The following CALCRL variants were observed in gnomAD, a reference collection of about 807,000 sequenced individuals.
CALCRL encodes calcitonin receptor like receptor.
In CALCRL, 27 loss-of-function variants were observed where a neutral mutation model predicts 60.4. That is an observed-to-expected ratio of 0.45 (90% CI 0.33 to 0.62). The LOEUF is 0.62. Ranked by LOEUF, CALCRL falls within the 20% of genes least tolerant of loss-of-function variation. The pLI is 0.03. For missense variants in CALCRL, 424 were observed against 540.7 expected (o/e 0.78, Z 2.14); for synonymous variants, 190 against 182.6 (o/e 1.04, Z -0.33).
In CALCRL at chr2:187,444,843, AATT is replaced by A. The variant is rs534140919; in HGVS notation, c.-293+3193_-293+3195del. Among the ~76,000 whole-genome samples the A allele has an allele frequency of 2.4e-3, 370 of 151,698 alleles. 1 individual carries two copies. The highest frequency in any genetic ancestry group is 3.4e-3 in the Non-Finnish European group (232 of 67,560). On this transcript the variant is annotated intron_variant, in intron 1 of 14. Transcript: ENST00000392370. ...TCAAATAAGGAAAAATGCAGAGATTAATTGACCTAATCTAATTTACATGGTCCA... is the reference window on the plus strand; with the variant it reads ...TCAAATAAGGAAAAATGCAGAGATTAGACCTAATCTAATTTACATGGTCCA...
intron 1 of CALCRL, among the ~76,000 whole-genome samples, chr2:187,417,118 C>T (rs1481065336): frequency 6.6e-6 from 1 of 151,942 alleles, no homozygotes; most frequent in Non-Finnish European, 1.5e-5. Context: ...AAAATAAAGG[C>T]CATTTACTTT....
intron 1 of CALCRL, among the ~76,000 whole-genome samples, chr2:187,407,145 ATTTG>A (rs1689173309): frequency 6.6e-6 from 1 of 151,960 alleles, no homozygotes; most frequent in African/African-American, 2.4e-5. Flanking sequence ...GGTAAAAGCT[ATTTG>A]AGGGCATTGC....
intron 1 of CALCRL, among the ~76,000 whole-genome samples, chr2:187,416,368 G>GCAT (rs1247809811): frequency 5.3e-5 from 8 of 152,206 alleles, no homozygotes; most frequent in African/African-American, 1.9e-4. Flanking sequence ...ACGTCATACT[G>GCAT]AATGACATAG....
At chr2:187,370,535 A>G (rs1163429131) in intron 8 of CALCRL, among the ~76,000 whole-genome samples, 2 of 152,176 alleles carry the variant, frequency 1.3e-5, no homozygotes, top group Non-Finnish European at 2.9e-5. Context: ...CAGAATTTGC[A>G]TATTTATCAA....
Position 187,342,414 on chromosome 2 carries a change from T to C in CALCRL, c.*3770A>G, listed in dbSNP as rs1462219782. The stretch of plus-strand genomic sequence containing the variant: ...GAAGTATTATATGATATGTCAAGTA[T>C]ATCTCAATGAAGCTGTTAAAAAGTG... On this transcript the variant is annotated 3_prime_UTR_variant, in exon 15 of 15. Transcript: ENST00000392370. 6.6e-6 allele frequency among the ~76,000 whole-genome samples: 1 copy of C among 151,800 alleles called. No individual in the cohort carries two copies.
At chr2:187,446,317 C>T (rs1183099500) in intron 1 of CALCRL, among the ~76,000 whole-genome samples, 1 of 151,674 alleles carries the variant, frequency 6.6e-6, no homozygotes, top group Non-Finnish European at 1.5e-5. Context: ...TTATTTCAAA[C>T]TTCCAGTTAT....
At chr2:187,404,920 A>G (rs1689051633) in intron 1 of CALCRL, among the ~76,000 whole-genome samples, 1 of 151,952 alleles carries the variant, frequency 6.6e-6, no homozygotes, top group African/African-American at 2.4e-5. Flanking sequence ...AGCAGTAGGA[A>G]GCGAGACACA....
chr2:187,383,628 A>C (rs1270666843), intron 4 of CALCRL, among the ~76,000 whole-genome samples: 1 of 152,156 alleles, frequency 6.6e-6, no homozygotes, highest in East Asian at 1.9e-4. Context: ...GATGTCTTCC[A>C]ATCTGACCCG....
chr2:187,389,631 CA>C (rs1378037051), intron 1 of CALCRL, among the ~76,000 whole-genome samples: 2 of 151,908 alleles, frequency 1.3e-5, no homozygotes, highest in Non-Finnish European at 2.9e-5. Context: ...AATATTTGGT[CA>C]TAATTTTTTT....
chr2:187,402,680 A>G (rs1688940916), intron 1 of CALCRL, among the ~76,000 whole-genome samples: 1 of 151,818 alleles, frequency 6.6e-6, no homozygotes, highest in Non-Finnish European at 1.5e-5. Context: ...CAGAACTGCT[A>G]CACTGAGCAA....
Position 187,419,627 on chromosome 2 carries a change from T to A in CALCRL, c.-293+28412A>T, listed in dbSNP as rs190528827. Among the ~76,000 whole-genome samples, 5 of 152,340 alleles carry A rather than the reference T, an allele frequency of 3.3e-5. No homozygotes were observed. The East Asian group carries it at 7.7e-4, about 24-fold the overall frequency. ...CGAAAATTTTATAAGTGGAATTTTT[T>A]AAATTATCTAATTTTAAACACTTCC... On this transcript the variant is annotated intron_variant, in intron 1 of 14. Coordinates refer to ENST00000392370, the MANE Select transcript of CALCRL (RefSeq NM_005795.6).
At chr2:187,415,017 G>T (rs138626955) in intron 1 of CALCRL, among the ~76,000 whole-genome samples, 2 of 151,640 alleles carry the variant, frequency 1.3e-5, no homozygotes, top group Admixed American at 6.6e-5. Flanking sequence ...TGTGGTCACT[G>T]GTGCTGTCAC....
chr2:187,422,766 A>G (rs1238847970), intron 1 of CALCRL, among the ~76,000 whole-genome samples: 1 of 151,960 alleles, frequency 6.6e-6, no homozygotes, highest in Non-Finnish European at 1.5e-5. Flanking sequence ...GTGGACATTT[A>G]TGGAATAGTC....
At chr2:187,360,310 C>T (rs1686995632) in intron 10 of CALCRL, among the ~76,000 whole-genome samples, 1 of 151,958 alleles carries the variant, frequency 6.6e-6, no homozygotes, top group Non-Finnish European at 1.5e-5. Flanking sequence ...TATGATTCTA[C>T]TTCTATTGTT....
At chr2:187,375,300 T>C (rs1215449909) in intron 8 of CALCRL, among the ~76,000 whole-genome samples, 1 of 120,502 alleles carries the variant, frequency 8.3e-6, no homozygotes, top group Non-Finnish European at 1.8e-5. Flanking sequence ...AAAAAAAAAT[T>C]GAGTTATGCC....
rs1690621201 is a variant in CALCRL at position 187,435,865 on chromosome 2, CGTGCGTGTGTGTGT to C, written c.-293+12160_-293+12173del. Among the ~76,000 whole-genome samples, 19 of 148,422 alleles carry C rather than the reference CGTGCGTGTGTGTGT, an allele frequency of 1.3e-4. No homozygotes were observed. In the South Asian group the frequency reaches 4.1e-3, roughly 32 times the overall value. On this transcript the variant is annotated intron_variant, in intron 1 of 14. Coordinates refer to ENST00000392370, the MANE Select transcript of CALCRL (RefSeq NM_005795.6). ...TTGAATCAAGGTGTGTGTGTTTGTG[CGTGCGTGTGTGTGT>C]GTGTGTGTGTGTGTGTATTTACCCC... is the stretch of plus-strand genomic sequence containing the variant.
At chr2:187,384,538 G>T (rs1440816754) in intron 4 of CALCRL, among the ~76,000 whole-genome samples, 2 of 152,212 alleles carry the variant, frequency 1.3e-5, no homozygotes, top group African/African-American at 4.8e-5. Context: ...TCAGTGGAGG[G>T]TGTGAGCTTA....
At chr2:187,349,829 A>G (rs1324295198) in intron 14 of CALCRL, among the ~76,000 whole-genome samples, 2 of 151,720 alleles carry the variant, frequency 1.3e-5, no homozygotes, top group African/African-American at 2.4e-5. Context: ...AAAAGAGCCA[A>G]TTTGGGATTT....
At chr2:187,417,587 C>A (rs1424982719) in intron 1 of CALCRL, among the ~76,000 whole-genome samples, 1 of 152,028 alleles carries the variant, frequency 6.6e-6, no homozygotes, top group African/African-American at 2.4e-5. Flanking sequence ...TAATGAACAA[C>A]TACAGAACCT....
Sources: allele counts gnomAD v4.1 joint callset (sites outside exome capture counted in the v4.1 genomes callset), GRCh38; gene constraint gnomAD v4.1.1; transcripts MANE v1.5; gene names NCBI Gene and HGNC (gene_info 2026-07-23, HGNC 2026-07-21).